The following TRIM25 variants were observed in gnomAD, a reference collection of about 807,000 sequenced individuals.
TRIM25 encodes the protein E3 ubiquitin/ISG15 ligase TRIM25.
A neutral mutation model predicts 65.2 loss-of-function variants in TRIM25; 45 were observed. The ratio of observed to expected loss-of-function variants is 0.69; its 90% CI spans 0.54 to 0.89. The LOEUF (loss-of-function observed/expected upper bound fraction) is 0.89. Ranked by LOEUF, TRIM25 falls within the 40% of genes least tolerant of loss-of-function variation. TRIM25 has a pLI of 0.00. For synonymous variants in TRIM25, 321 were observed against 340.4 expected (o/e 0.94, Z 0.63); for missense variants, 714 against 803.7 (o/e 0.89, Z 1.35).
chr17:56,893,940 G>A (rs750958280), intron 8 of TRIM25, among the ~76,000 whole-genome samples: 7 of 152,172 alleles, frequency 4.6e-5, no homozygotes, highest in Non-Finnish European at 4.4e-5. Flanking sequence ...GCAGTGGCAC[G>A]AGGATTAGAC....
chr17:56,895,748 A>G, intron 6 of TRIM25, 144 bp from the exon 7 acceptor site: 2 of 1,176,026 alleles, frequency 1.7e-6, no homozygotes, highest in South Asian at 1.5e-5. Flanking sequence ...AAGTCACCTT[A>G]TTCATCTCAC....
rs1285364093 is a variant in TRIM25 at position 56,891,399 on chromosome 17, G to C, written c.*301C>G. 4.7e-6 allele frequency: 2 copies of C among 421,466 alleles called. No homozygotes were observed. Among genetic ancestry groups the C allele is most frequent in the Admixed American group, 8.0e-5 (2 of 24,938 alleles). The allele number at this position is 421,466 out of a possible 1,614,324, so 26.1% of individuals were successfully genotyped here. ...TCTCTAAGAGGAATCGGGCACTCAT[G>C]ACTTCACTTCCCAGAGCTCTGCCCA... On this transcript the variant is annotated 3_prime_UTR_variant, in exon 9 of 9. Coordinates refer to ENST00000316881, the MANE Select transcript of TRIM25 (RefSeq NM_005082.5).
chr17:56,913,558 G>T lies in TRIM25; in HGVS notation c.431C>A (p.Pro144Gln). ...CAGGTCGCGAACGGGCGGCTGCAGC[G>T]GGTGGTCCTGGAAGGCGGGGCTGTC... ...HFDSPAFQDH[P>Q]LQPPVRDLLR... The change falls in exon 1 of 9, where the codon CCG becomes CAG. Residue 144 changes from proline to glutamine, a missense_variant. Coordinates refer to ENST00000316881, the MANE Select transcript of TRIM25 (RefSeq NM_005082.5). The surrounding 1 kb of genome is among the most constrained non-coding windows in gnomAD (Gnocchi z 6.1). The T allele has an allele frequency of 6.2e-7, 1 of 1,613,394 alleles. No homozygotes were observed. The highest frequency in any genetic ancestry group is 8.5e-7 in the Non-Finnish European group (1 of 1,179,668).
chr17:56,901,450 G>A lies in TRIM25; in HGVS notation c.1056C>T (p.Ile352=), dbSNP rs61731984. The change falls in exon 4 of 9, where the codon ATC becomes ATT. Residue 352 remains isoleucine, a synonymous_variant. Transcript: ENST00000316881. ...TGGGGGTGGGCTCCTGGAGCCGCCC[G>A]ATGCACTGCTTCAGCTCGTTTTTGA... ...IDLKNELKQC[I]GRLQEPTPSS... 3.2e-4 allele frequency: 516 copies of A among 1,614,120 alleles called. 1 individual carries two copies. In the Middle Eastern group the frequency reaches 4.8e-3, roughly 15 times the overall value.
chr17:56,909,175 T>C (rs1169928882), intron 1 of TRIM25, among the ~76,000 whole-genome samples: 1 of 151,208 alleles, frequency 6.6e-6, no homozygotes, highest in Non-Finnish European at 1.5e-5. Context: ...TAAAAGATGC[T>C]GGAGAGCCAA....
chr17:56,905,269 G>A (rs1189848345), intron 2 of TRIM25, among the ~76,000 whole-genome samples: 1 of 152,118 alleles, frequency 6.6e-6, no homozygotes, highest in South Asian at 2.1e-4. Context: ...GAGGCTGAGG[G>A]AGGAGAATCG....
intron 4 of TRIM25, among the ~76,000 whole-genome samples, chr17:56,899,397 GCCAAGTCTTTTTTCCA>G (rs1909365512): frequency 6.6e-6 from 1 of 152,140 alleles, no homozygotes; most frequent in Admixed American, 6.5e-5. Flanking sequence ...TGTAGCAAGG[GCCAAGTCTTTTTTCCA>G]CCAGCACCCA....
intron 2 of TRIM25, 92 bp downstream of exon 2, chr17:56,908,376 C>A: frequency 8.0e-7 from 1 of 1,254,416 alleles, no homozygotes; most frequent in East Asian, 2.3e-5. Flanking sequence ...CACCCAACAC[C>A]AGCCTTGTCA....
Position 56,896,518 on chromosome 17 carries a change from A to T in TRIM25, c.1154-566T>A, listed in dbSNP as rs139705322. On this transcript the variant is annotated intron_variant, in intron 5 of 8. Coordinates refer to ENST00000316881, the MANE Select transcript of TRIM25 (RefSeq NM_005082.5). ...AATTACAAAAAAAAAAAAAAAGAAA[A>T]AACTAGCCAGGCCTAGTGGCACACA... is the stretch of plus-strand genomic sequence containing the variant. Among the ~76,000 whole-genome samples, 1,084 of 151,998 alleles carry T rather than the reference A, an allele frequency of 7.1e-3. 18 individuals are homozygous for T. Among genetic ancestry groups the T allele is most frequent in the African/African-American group, 0.025 (1,043 of 41,474 alleles).
rs866223501 is a variant in TRIM25 at position 56,891,966 on chromosome 17, C to T, written c.1627G>A (p.Gly543Ser). Reference protein sequence around the residue: ...MNRQGPESRLGRNSASWCVEW... With the variant: ...MNRQGPESRLSRNSASWCVEW... The stretch of plus-strand genomic sequence containing the variant: ...ACGCACCAGGAGGCGCTGTTGCGGC[C>T]GAGCCTGCTTTCTGGGCCCTGCCGG... The change falls in exon 9 of 9, where the codon GGC becomes AGC. Residue 543 changes from glycine to serine, a missense_variant. This residue lies in a region of TRIM25 where 413 missense variants were observed against 498.2 expected (regional missense o/e 0.83). Transcript: ENST00000316881. 7 of 1,614,072 alleles carry T rather than the reference C, an allele frequency of 4.3e-6. No homozygotes were observed. Among genetic ancestry groups the T allele is most frequent in the Admixed American group, 1.7e-5 (1 of 60,010 alleles).
intron 1 of TRIM25, chr17:56,912,202 TCTTAGG>T (rs1214593117): frequency 6.6e-6 from 1 of 152,238 alleles, no homozygotes; most frequent in East Asian, 1.9e-4. Context: ...ATGCTTTGGA[TCTTAGG>T]CTGATGTAAC....
intron 1 of TRIM25, among the ~76,000 whole-genome samples, chr17:56,911,750 G>A (rs1204414485): frequency 6.6e-6 from 1 of 152,022 alleles, no homozygotes; most frequent in Non-Finnish European, 1.5e-5. Context: ...AACTTAGCCA[G>A]GTGTGGTGGC....
intron 2 of TRIM25, among the ~76,000 whole-genome samples, chr17:56,907,623 A>G (rs1295806077): frequency 6.6e-6 from 1 of 152,228 alleles, no homozygotes; most frequent in Non-Finnish European, 1.5e-5. Context: ...TTCCTAATTT[A>G]CCACTCCAAC....
rs576531022 is a variant in TRIM25 at position 56,893,220 on chromosome 17, G to A, written c.1364-991C>T. ...ACTGGTGGGCAGCAGGGAGCCAAGC[G>A]AGGCACTCATTTGCTAGGTGGCTCA... is the stretch of plus-strand genomic sequence containing the variant. On this transcript the variant is annotated intron_variant, in intron 8 of 8. Transcript: ENST00000316881. 6.7e-5 allele frequency among the ~76,000 whole-genome samples: 10 copies of A among 150,006 alleles called. No individual in the cohort carries two copies. The East Asian group carries it at 1.7e-3, about 26-fold the overall frequency.
intron 2 of TRIM25, 104 bp from the exon 3 acceptor site, chr17:56,904,592 A>G (rs1909484164): frequency 9.5e-7 from 1 of 1,047,544 alleles, no homozygotes. Flanking sequence ...TCTTACCTGT[A>G]CTTTGTGGGA....
At position 56,908,460 on chromosome 17, in the gene TRIM25, C is replaced by T; in HGVS notation, c.693+8G>A. 1 of 1,613,336 alleles carries T rather than the reference C, an allele frequency of 6.2e-7. No homozygotes were observed. The highest frequency in any genetic ancestry group is 8.5e-7 in the Non-Finnish European group (1 of 1,179,930). ...GCAGGGCTGGCCTTGGAGAGCCCTG[C>T]CACTCACCCGCACATCCTGCTGCCT... On this transcript the variant is annotated splice_region_variant and intron_variant, in intron 2 of 8. Coordinates refer to ENST00000316881, the MANE Select transcript of TRIM25 (RefSeq NM_005082.5).
At position 56,904,402 on chromosome 17, in the gene TRIM25, T is replaced by C. The variant is rs200224902; in HGVS notation, c.780A>G (p.Thr260=). 6.2e-6 allele frequency: 10 copies of C among 1,614,110 alleles called. No individual in the cohort carries two copies. The East Asian group carries it at 2.2e-4, about 36-fold the overall frequency. Residue 260 remains threonine (T), a synonymous_variant, in exon 3 of 9, where the codon ACA becomes ACG. Coordinates refer to ENST00000316881, the MANE Select transcript of TRIM25 (RefSeq NM_005082.5). ...TCTTCTCCTCTTCCTTTATCTTCCT[T>C]GTCGAGGTGGTCTCTGAGGCGTCCA... ...ALLDASETTS[T]RKIKEEEKRV... is the part of the protein sequence containing the mutation.
At chr17:56,911,048 T>C (rs563013183) in intron 1 of TRIM25, among the ~76,000 whole-genome samples, 30 of 151,828 alleles carry the variant, frequency 2.0e-4, no homozygotes, top group Non-Finnish European at 4.1e-4. Flanking sequence ...GAGGATCCCT[T>C]GAGGTTGGGA....
chr17:56,904,898 C>G (rs927287865), intron 2 of TRIM25, among the ~76,000 whole-genome samples: 37 of 152,234 alleles, frequency 2.4e-4, no homozygotes, highest in African/African-American at 8.9e-4. Context: ...GGATAAATCT[C>G]CATGAGAGAA....
Sources: allele counts gnomAD v4.1 joint callset (sites outside exome capture counted in the v4.1 genomes callset), GRCh38; gene constraint gnomAD v4.1.1; regional missense constraint gnomAD v4.1.1; non-coding constraint Gnocchi (gnomAD v3.1); transcripts MANE v1.5; gene names NCBI Gene and HGNC (gene_info 2026-07-23, HGNC 2026-07-21).